Variants in ACOT9 observed in about 807,000 individuals in gnomAD.
The protein encoded by ACOT9 is acyl-CoA thioesterase 9, also known as acyl-coenzyme A thioesterase 9, mitochondrial.
ACOT9 carries 34 observed loss-of-function variants against 39.7 expected under a neutral mutation model. That is an observed-to-expected ratio of 0.86 (90% CI 0.65 to 1.14). The LOEUF (loss-of-function observed/expected upper bound fraction) is 1.14, where lower values mean the gene tolerates loss of function less well. Ranked by LOEUF, ACOT9 falls within the 50% of genes most tolerant of loss-of-function variation. The probability of loss-of-function intolerance (pLI) is 0.00; values close to 1 mark genes in which losing one functional copy is unlikely to be tolerated. For synonymous variants in ACOT9, 110 were observed against 120.5 expected, an observed-to-expected ratio of 0.91 and a Z score of 0.57; for missense variants, 313 against 344.1, an observed-to-expected ratio of 0.91 and a Z score of 0.71.
chrX:23,713,695 G>A (rs1380661883), intron 8 of ACOT9, among the ~76,000 whole-genome samples: 3 of 110,492 alleles, frequency 2.7e-5, no homozygotes, highest in African/African-American at 9.9e-5. Context: ...ATGGCAGGAT[G>A]ACAAAGGAGC....
intron 2 of ACOT9, among the ~76,000 whole-genome samples, chrX:23,734,807 G>A (rs752387657): frequency 3.1e-4 from 34 of 108,436 alleles, no homozygotes; most frequent in Non-Finnish European, 5.0e-4. Context: ...CCAAGATGGT[G>A]AAACCCCGTC....
chrX:23,736,100 T>C (rs1332401717), intron 1 of ACOT9, 84 bp from the exon 2 acceptor site: 1 of 735,602 alleles, frequency 1.4e-6, no homozygotes, highest in East Asian at 3.3e-5. Flanking sequence ...CCAGAGTATC[T>C]GGCCATATCA....
chrX:23,712,437 C>G (rs1265820754), intron 9 of ACOT9, among the ~76,000 whole-genome samples: 1 of 104,310 alleles, frequency 9.6e-6, no homozygotes, highest in African/African-American at 3.5e-5. Flanking sequence ...ATAATATTCT[C>G]TTAAGTAACT....
chrX:23,715,868 G>C (rs1051405825), intron 8 of ACOT9, among the ~76,000 whole-genome samples: 1 of 112,097 alleles, frequency 8.9e-6, no homozygotes, highest in African/African-American at 3.2e-5. Flanking sequence ...TCAACTCCAA[G>C]AGAATGGAAC....
At chrX:23,705,721 C>G (rs1928653980) in intron 12 of ACOT9, 47 bp downstream of exon 12, 1 of 1,149,692 alleles carries the variant, frequency 8.7e-7, no homozygotes, top group African/African-American at 1.8e-5. Flanking sequence ...GGACAAATAT[C>G]ATGAACGGAA....
chrX:23,705,952 C>T (rs1485900410), intron 11 of ACOT9, 94 bp from the exon 12 acceptor site: 2 of 781,643 alleles, frequency 2.6e-6, no homozygotes, highest in African/African-American at 4.1e-5. Flanking sequence ...TACACTCAGA[C>T]AACTGTGGCT....
chrX:23,736,772 T>C (rs1201416536), intron 1 of ACOT9, among the ~76,000 whole-genome samples: 2 of 109,517 alleles, frequency 1.8e-5, no homozygotes, highest in Non-Finnish European at 3.8e-5. Context: ...TGAGCCAAGA[T>C]TGTACCACTG....
chrX:23,718,373 G>A (rs918900761), intron 8 of ACOT9, among the ~76,000 whole-genome samples: 2 of 111,842 alleles, frequency 1.8e-5, no homozygotes, highest in Non-Finnish European at 3.8e-5. Flanking sequence ...AGGATCACTC[G>A]AGTCATGAGT....
chrX:23,732,955 A>T (rs1477390148), intron 4 of ACOT9, among the ~76,000 whole-genome samples: 3 of 112,139 alleles, frequency 2.7e-5, no homozygotes, highest in Non-Finnish European at 5.6e-5. Context: ...CACTTTGAAA[A>T]TGCAGAATAT....
At chrX:23,717,294 C>T (rs774524555) in intron 8 of ACOT9, among the ~76,000 whole-genome samples, 32 of 111,272 alleles carry the variant, frequency 2.9e-4, no homozygotes, top group Non-Finnish European at 4.9e-4. Context: ...CTGGGCTAGT[C>T]AAAGGAGTTT....
At chrX:23,741,234 C>A (rs1020300620) in intron 1 of ACOT9, among the ~76,000 whole-genome samples, 1 of 109,550 alleles carries the variant, frequency 9.1e-6, no homozygotes, top group Non-Finnish European at 1.9e-5. Flanking sequence ...TAAACTGGTA[C>A]AGCCATTTTG....
At chrX:23,720,219 C>G (rs1161081151) in intron 8 of ACOT9, among the ~76,000 whole-genome samples, 1 of 112,488 alleles carries the variant, frequency 8.9e-6, no homozygotes, top group Non-Finnish European at 1.9e-5. Context: ...CTTTGAGGTA[C>G]TTTTTCTTGT....
At chrX:23,741,696 A>G (rs1920966296) in intron 1 of ACOT9, among the ~76,000 whole-genome samples, 1 of 111,905 alleles carries the variant, frequency 8.9e-6, no homozygotes, top group Non-Finnish European at 1.9e-5. Context: ...TTTGTTTGAG[A>G]CAGAATCTCA....
At position 23,713,204 on chromosome X, in the gene ACOT9, T is replaced by C. The variant is rs148179443; in HGVS notation, c.593A>G (p.His198Arg). Residue 198 changes from histidine (H) to arginine (R), a missense_variant, in exon 9 of 16, where the codon CAT (histidine) becomes CGT (arginine). By Grantham distance (29) the His-to-Arg change is conservative. Transcript: ENST00000379303. ...MEVKMQMFQL[H>R]GDEFCPVLDA... The stretch of plus-strand genomic sequence containing the variant: ...CAAAACAGGACAAAATTCATCACCA[T>C]GTAACTGAAGAACAAAGGAAAGAAA... 5,973 of 1,195,817 alleles carry C rather than the reference T, an allele frequency of 5.0e-3. 14 individuals carry two copies. Among genetic ancestry groups the C allele is most frequent in the Non-Finnish European group, 6.1e-3 (5,426 of 883,833 alleles).
chrX:23,722,477 T>C (rs1929352428), intron 7 of ACOT9, among the ~76,000 whole-genome samples, 193 bp downstream of exon 7: 2 of 109,920 alleles, frequency 1.8e-5, no homozygotes, highest in Admixed American at 2.0e-4. Context: ...GGCAGGAGAA[T>C]TGCTTGAACC....
intron 1 of ACOT9, among the ~76,000 whole-genome samples, chrX:23,742,213 T>TGAGAGAGAGAGAGAGAGAGAGAGAGAGA (rs1190609377): frequency 1.5e-5 from 1 of 68,910 alleles, no homozygotes; most frequent in African/African-American, 7.5e-5. Context: ...AGTGAGTGAG[T>TGAGAGAGAGAGAGAGAGAGAGAGAGAGA]GAGAGAGAGA....
intron 11 of ACOT9, 143 bp from the exon 12 acceptor site, chrX:23,706,001 A>C: frequency 2.0e-6 from 1 of 496,739 alleles, no homozygotes; most frequent in Non-Finnish European, 3.5e-6. Flanking sequence ...GCGGTGGCTC[A>C]CGCCTGTAAT....
intron 12 of ACOT9, 64 bp downstream of exon 12, chrX:23,705,704 A>G: frequency 8.8e-7 from 1 of 1,138,574 alleles, no homozygotes; most frequent in Non-Finnish European, 1.2e-6. Flanking sequence ...AAGGTGTGTC[A>G]AATCTTGGAC....
At chrX:23,723,664 T>C (rs1350955084) in intron 6 of ACOT9, among the ~76,000 whole-genome samples, 2 of 108,482 alleles carry the variant, frequency 1.8e-5, no homozygotes, top group East Asian at 2.9e-4. Flanking sequence ...GCTTCCCCCA[T>C]GATCCATTCA....
Sources: gnomAD v4.1 joint callset for allele counts (sites outside exome capture counted in the v4.1 genomes callset) on GRCh38, gnomAD v4.1.1 for gene constraint, MANE v1.5 for transcripts, NCBI Gene and HGNC (gene_info 2026-07-23, HGNC 2026-07-21) for gene names.